Variants in HAO1 observed in about 807,000 individuals in gnomAD.
HAO1 encodes the protein 2-Hydroxyacid oxidase 1.
Under a neutral mutation model 39.7 loss-of-function variants are expected in HAO1, and 34 were observed. That is an observed-to-expected ratio of 0.86 (90% CI 0.65 to 1.14). The LOEUF is 1.14. Among genes scored for constraint, HAO1 ranks in the 50% most tolerant of loss-of-function variants. The pLI is 0.00. For missense variants in HAO1, 479 were observed against 464.5 expected, an observed-to-expected ratio of 1.03 and a Z score of -0.29; for synonymous variants, 172 against 173.2, an observed-to-expected ratio of 0.99 and a Z score of 0.05.
chr20:7,907,463 G>T (rs1473554767), intron 3 of HAO1, among the ~76,000 whole-genome samples: 1 of 152,048 alleles, frequency 6.6e-6, no homozygotes, highest in African/African-American at 2.4e-5. Flanking sequence ...AGCTGTCTTG[G>T]TATTATGCCC....
intron 3 of HAO1, among the ~76,000 whole-genome samples, chr20:7,907,232 C>T (rs756286831): frequency 1.1e-4 from 17 of 152,138 alleles, no homozygotes; most frequent in Non-Finnish European, 1.9e-4. Flanking sequence ...AGTTTGACAA[C>T]GACAAGAGCT....
intron 4 of HAO1, among the ~76,000 whole-genome samples, chr20:7,900,860 T>C (rs1176156863): frequency 6.6e-6 from 1 of 152,164 alleles, no homozygotes; most frequent in Non-Finnish European, 1.5e-5. Context: ...AGGCTCCTTG[T>C]GCCAAACAGC....
At chr20:7,916,318 C>G (rs1447934488) in intron 2 of HAO1, among the ~76,000 whole-genome samples, 1 of 152,096 alleles carries the variant, frequency 6.6e-6, no homozygotes, top group Non-Finnish European at 1.5e-5. Flanking sequence ...TTATGTAAAA[C>G]TCTATTCCTT....
intron 2 of HAO1, among the ~76,000 whole-genome samples, chr20:7,920,157 A>G (rs894780765): frequency 5.3e-5 from 8 of 152,072 alleles, no homozygotes; most frequent in African/African-American, 1.9e-4. Flanking sequence ...TGCTGTTTTC[A>G]TGCTAGTGAG....
Position 7,916,193 on chromosome 20 carries a change from T to G in HAO1, c.290-1774A>C, listed in dbSNP as rs1463702509. ...AATTGGTAGTAAAATTGGAGTAAAA[T>G]TGGAGTCAGCCTTAGTGGAGGAGAA... On this transcript the variant is annotated intron_variant, in intron 2 of 7. Transcript: ENST00000378789. 2.0e-5 allele frequency among the ~76,000 whole-genome samples: 3 copies of G among 152,198 alleles called. No homozygotes were observed. In the East Asian group the frequency reaches 5.8e-4, roughly 29 times the overall value.
rs779304503 is a variant in HAO1, at chr20:7,895,240, C to T, written c.722-16G>A. 6.5e-7 allele frequency: 1 copy of T among 1,538,388 alleles called. No homozygotes were observed. Among genetic ancestry groups the T allele is most frequent in the South Asian group, 1.1e-5 (1 of 89,502 alleles). ...GCATCATCACCTGGAGAGAGTAAAA[C>T]AAGCACCTTAGGGAAACTGTAACTT... is the stretch of plus-strand genomic sequence containing the variant. On this transcript the variant is annotated splice_polypyrimidine_tract_variant and intron_variant, in intron 4 of 7. Coordinates refer to ENST00000378789, the MANE Select transcript of HAO1 (RefSeq NM_017545.3).
At chr20:7,889,159 T>C (rs1353798584) in intron 5 of HAO1, among the ~76,000 whole-genome samples, 1 of 151,684 alleles carries the variant, frequency 6.6e-6, no homozygotes, top group African/African-American at 2.4e-5. Context: ...ACATTAAATG[T>C]TTCTCAAAGA....
intron 4 of HAO1, among the ~76,000 whole-genome samples, chr20:7,898,185 T>C (rs144518958): frequency 0.014 from 2,159 of 152,274 alleles, 50 homozygotes; most frequent in African/African-American, 0.048. Context: ...GCTTCCTATA[T>C]TGATCTTCAG....
At chr20:7,928,371 G>C (rs1020774864) in intron 2 of HAO1, among the ~76,000 whole-genome samples, 1 of 151,984 alleles carries the variant, frequency 6.6e-6, no homozygotes, top group Non-Finnish European at 1.5e-5. Context: ...TTTTGCATTT[G>C]ATAAAATTTT....
chr20:7,906,294 GA>G lies in HAO1; in HGVS notation c.580del (p.Ser194LeufsTer20). ...KNFETSTLSF[S>X]PEENFGDDSG... Reference sequence around the variant, plus strand: ...GTCGTCTCCAAAATTTTCCTCAGGAGAAAATGATAAAGTACTGGTTTCAAAA... The same window carrying G: ...GTCGTCTCCAAAATTTTCCTCAGGAGAAATGATAAAGTACTGGTTTCAAAA... On this transcript the variant is annotated frameshift_variant, in exon 4 of 8. Coordinates refer to ENST00000378789, the MANE Select transcript of HAO1 (RefSeq NM_017545.3). LOFTEE classifies it high-confidence loss of function. 1 of 1,611,516 alleles carries G rather than the reference GA, an allele frequency of 6.2e-7. No homozygotes were observed. The highest frequency in any genetic ancestry group is 1.1e-5 in the South Asian group (1 of 91,018).
intron 4 of HAO1, among the ~76,000 whole-genome samples, chr20:7,904,430 T>G (rs745964868): frequency 1.3e-5 from 2 of 152,242 alleles, no homozygotes; most frequent in Non-Finnish European, 2.9e-5. Flanking sequence ...AAAGTCTAAA[T>G]TCTCTAAATG....
At chr20:7,928,033 A>G (rs1445498618) in intron 2 of HAO1, among the ~76,000 whole-genome samples, 1 of 152,252 alleles carries the variant, frequency 6.6e-6, no homozygotes, top group Non-Finnish European at 1.5e-5. Flanking sequence ...TAATTGCTGT[A>G]TAAATGCTGG....
At chr20:7,898,854 C>A (rs1276112831) in intron 4 of HAO1, among the ~76,000 whole-genome samples, 2 of 151,624 alleles carry the variant, frequency 1.3e-5, no homozygotes, top group Non-Finnish European at 2.9e-5. Flanking sequence ...TCATAAATAA[C>A]CTTATTAAAC....
At chr20:7,888,088 G>C (rs2122748340) in intron 5 of HAO1, among the ~76,000 whole-genome samples, 1 of 152,244 alleles carries the variant, frequency 6.6e-6, no homozygotes, top group East Asian at 1.9e-4. Flanking sequence ...CTTCGGGCAA[G>C]TAATTGTGGG....
chr20:7,883,347 G>A lies in HAO1; in HGVS notation c.*246C>T. ...GACGTTGTCTAAACACATTTTCAATGTTTTCTTTTTAACAGTTAATATATT... is the reference window on the plus strand; with the variant it reads ...GACGTTGTCTAAACACATTTTCAATATTTTCTTTTTAACAGTTAATATATT... On this transcript the variant is annotated 3_prime_UTR_variant, in exon 8 of 8. Transcript: ENST00000378789. The A allele has an allele frequency of 3.9e-6, 2 of 517,992 alleles. No individual in the cohort carries two copies. Among genetic ancestry groups the A allele is most frequent in the Non-Finnish European group, 6.9e-6 (2 of 287,960 alleles). 32.1% of individuals were successfully genotyped at this position (517,992 alleles called of 1,614,324 possible). A position where few individuals can be genotyped will look rare whatever the true frequency, so the allele number is the denominator to read the frequency against.
intron 4 of HAO1, among the ~76,000 whole-genome samples, chr20:7,901,930 A>G (rs918654005): frequency 4.6e-5 from 7 of 152,210 alleles, no homozygotes; most frequent in African/African-American, 1.7e-4. Flanking sequence ...TGGTGGAGAA[A>G]GTCACTGCTG....
chr20:7,924,345 C>T (rs1297499152), intron 2 of HAO1, among the ~76,000 whole-genome samples: 3 of 152,056 alleles, frequency 2.0e-5, no homozygotes, highest in African/African-American at 7.2e-5. Context: ...AGCGCTTACT[C>T]AAAGCTGAGA....
intron 2 of HAO1, among the ~76,000 whole-genome samples, chr20:7,919,846 T>C (rs963676083): frequency 6.6e-6 from 1 of 152,236 alleles, no homozygotes; most frequent in Admixed American, 6.5e-5. Flanking sequence ...TTTGTTAATC[T>C]TCTCCACAGC....
At chr20:7,889,277 T>G (rs1793434899) in intron 5 of HAO1, among the ~76,000 whole-genome samples, 1 of 152,220 alleles carries the variant, frequency 6.6e-6, no homozygotes, top group Non-Finnish European at 1.5e-5. Flanking sequence ...TAAAAATGTT[T>G]TGCCATTGAT....
Sources: allele counts gnomAD v4.1 joint callset (sites outside exome capture counted in the v4.1 genomes callset), GRCh38; gene constraint gnomAD v4.1.1; transcripts MANE v1.5; gene names NCBI Gene and HGNC (gene_info 2026-07-23, HGNC 2026-07-21).